Variants in SCAI observed in about 807,000 individuals in gnomAD.
SCAI encodes protein SCAI.
Under a neutral mutation model 92.2 loss-of-function variants are expected in SCAI, and 24 were observed. That is an observed-to-expected ratio of 0.26 (90% confidence interval 0.19 to 0.37). The LOEUF (loss-of-function observed/expected upper bound fraction) is 0.37. Among genes scored for constraint, SCAI ranks in the 10% least tolerant of loss-of-function variants. The pLI is 1.00. For synonymous variants in SCAI, 261 were observed against 258.6 expected, an observed-to-expected ratio of 1.01 and a Z score of -0.09; for missense variants, 450 against 736.2, an observed-to-expected ratio of 0.61 and a Z score of 4.50.
At chr9:125,085,677 A>G (rs1834311212) in intron 2 of SCAI, among the ~76,000 whole-genome samples, 1 of 152,144 alleles carries the variant, frequency 6.6e-6, no homozygotes, top group African/African-American at 2.4e-5. Context: ...GCTACTCAGG[A>G]GGCTGAGGTA....
intron 2 of SCAI, among the ~76,000 whole-genome samples, chr9:125,126,898 T>C (rs532987606): frequency 1.3e-5 from 2 of 152,234 alleles, no homozygotes; most frequent in Non-Finnish European, 2.9e-5. Flanking sequence ...CCCAAGATGA[T>C]AGTCCTATTT....
chr9:125,068,926 A>T (rs915157046), intron 2 of SCAI, among the ~76,000 whole-genome samples: 3 of 152,038 alleles, frequency 2.0e-5, no homozygotes, highest in African/African-American at 7.2e-5. Context: ...AAATATAACA[A>T]AAAATTTGAC....
intron 3 of SCAI, among the ~76,000 whole-genome samples, chr9:125,030,881 C>T (rs1352654662): frequency 2.0e-5 from 3 of 152,112 alleles, no homozygotes; most frequent in Non-Finnish European, 4.4e-5. Flanking sequence ...AAGAGAAAAT[C>T]CACAAATTCA....
At chr9:125,046,753 C>T (rs75221048) in intron 3 of SCAI, among the ~76,000 whole-genome samples, 2,763 of 151,368 alleles carry the variant, frequency 0.018, 82 homozygotes, top group African/African-American at 0.064. Context: ...AACCAATTCC[C>T]GATCCAGCTT....
chr9:125,054,845 T>C (rs901320442), intron 3 of SCAI, among the ~76,000 whole-genome samples: 6 of 152,128 alleles, frequency 3.9e-5, no homozygotes, highest in Non-Finnish European at 8.8e-5. Context: ...GCTTAAAAAC[T>C]AGAGAAACAG....
intron 2 of SCAI, among the ~76,000 whole-genome samples, chr9:125,083,251 C>T (rs1422282638): frequency 6.6e-6 from 1 of 152,140 alleles, no homozygotes; most frequent in East Asian, 1.9e-4. Flanking sequence ...GGCATGGTGG[C>T]TCATGCCTGT....
At chr9:124,997,875 CAAAAA>C (rs35502581) in intron 13 of SCAI, among the ~76,000 whole-genome samples, 1 of 111,148 alleles carries the variant, frequency 9.0e-6, no homozygotes. Context: ...AACTCTGTCT[CAAAAA>C]AAAAAAAAAA....
chr9:124,952,714 A>G lies in SCAI; in HGVS notation c.*93T>C. ...GCCCTAAATTAAAAAATAAAAACTA[A>G]GTAACACCACTATGTGTCTTATCAC... On this transcript the variant is annotated 3_prime_UTR_variant, in exon 18 of 18. Coordinates refer to ENST00000336505, the MANE Select transcript of SCAI (RefSeq NM_001144877.3). 1.0e-6 allele frequency: 1 copy of G among 970,876 alleles called. No homozygotes were observed. The highest frequency in any genetic ancestry group is 1.5e-6 in the Non-Finnish European group (1 of 673,448). 60.1% of individuals were successfully genotyped at this position (970,876 alleles called of 1,614,324 possible).
At chr9:125,122,520 C>G (rs1188250760) in intron 2 of SCAI, among the ~76,000 whole-genome samples, 1 of 138,946 alleles carries the variant, frequency 7.2e-6, no homozygotes, top group African/African-American at 2.7e-5. Context: ...ACCCAGGAGG[C>G]AGAGGTTGCA....
chr9:125,138,249 C>CTTTTTTTTTTTTTTTTTTTTTTTTTTTT (rs10570060), intron 2 of SCAI, among the ~76,000 whole-genome samples: 1 of 104,202 alleles, frequency 9.6e-6, no homozygotes. Context: ...ACTATTATTT[C>CTTTTTTTTTTTTTTTTTTTTTTTTTTTT]TTTTTTTTTT....
At chr9:124,976,514 A>G (rs1831758508) in intron 14 of SCAI, among the ~76,000 whole-genome samples, 1 of 152,244 alleles carries the variant, frequency 6.6e-6, no homozygotes, top group Non-Finnish European at 1.5e-5. Flanking sequence ...ACACTTATAT[A>G]TATAAAGGTG....
intron 3 of SCAI, among the ~76,000 whole-genome samples, chr9:125,042,615 A>ATGAGTGTGTGTG (rs1833339151): frequency 9.5e-6 from 1 of 105,154 alleles, no homozygotes; most frequent in Non-Finnish European, 1.9e-5. Flanking sequence ...CCACCAGAGT[A>ATGAGTGTGTGTG]TGTGTGTGTG....
intron 2 of SCAI, among the ~76,000 whole-genome samples, chr9:125,097,416 G>C (rs887324428): frequency 1.3e-5 from 2 of 152,094 alleles, no homozygotes; most frequent in African/African-American, 4.8e-5. Context: ...CTGGGAGACA[G>C]AGTGAGACTC....
At chr9:125,004,771 A>T (rs1299164077) in intron 9 of SCAI, among the ~76,000 whole-genome samples, 818 of 8,770 alleles carry the variant, frequency 0.093, 101 homozygotes, top group Middle Eastern at 0.17. Flanking sequence ...ATATATATAT[A>T]TATATATATT....
chr9:124,955,917 A>G (rs1287905717), intron 17 of SCAI, among the ~76,000 whole-genome samples: 1 of 152,194 alleles, frequency 6.6e-6, no homozygotes, highest in Non-Finnish European at 1.5e-5. Flanking sequence ...TGGATTCATA[A>G]TTTTAAATCT....
At chr9:124,977,247 A>G (rs1831779221) in intron 14 of SCAI, among the ~76,000 whole-genome samples, 1 of 152,214 alleles carries the variant, frequency 6.6e-6, no homozygotes, top group African/African-American at 2.4e-5. Context: ...ACCAACCTCA[A>G]TAAAAATAAC....
intron 2 of SCAI, among the ~76,000 whole-genome samples, chr9:125,090,024 G>A (rs1834399782): frequency 6.6e-6 from 1 of 152,092 alleles, no homozygotes; most frequent in Non-Finnish European, 1.5e-5. Context: ...CCCACACCTA[G>A]AAAAAAGGTT....
intron 9 of SCAI, among the ~76,000 whole-genome samples, chr9:125,006,561 G>A (rs186733656): frequency 2.0e-4 from 31 of 152,156 alleles, no homozygotes; most frequent in African/African-American, 6.5e-4. Flanking sequence ...GCGCGATCTC[G>A]GCTCACTGCA....
rs1831434005 is a variant in SCAI, at chr9:124,961,497, A to G, written c.1675-8544T>C. 2.0e-5 allele frequency among the ~76,000 whole-genome samples: 3 copies of G among 151,840 alleles called. No individual in the cohort carries two copies. In the South Asian group the frequency reaches 6.2e-4, roughly 32 times the overall value. On this transcript the variant is annotated intron_variant, in intron 17 of 17. Coordinates refer to ENST00000336505, the MANE Select transcript of SCAI (RefSeq NM_001144877.3). ...AAACTCCATCTCTACTAAAAATACA[A>G]AAATTAGCTGGGCGTGGTGGCACAC...
Sources: gnomAD v4.1 joint callset for allele counts (sites outside exome capture counted in the v4.1 genomes callset) on GRCh38, gnomAD v4.1.1 for gene constraint, MANE v1.5 for transcripts, NCBI Gene and HGNC (gene_info 2026-07-23, HGNC 2026-07-21) for gene names.